MS4A4E: variants seen among roughly 807,000 people sequenced by gnomAD.
MS4A4E encodes the protein putative membrane-spanning 4-domains subfamily A member 4E.
MS4A4E carries 23 observed loss-of-function variants against 13.3 expected under a neutral mutation model. The ratio of observed to expected loss-of-function variants is 1.73; its 90% CI spans 1.25 to 2.45. MS4A4E has a LOEUF of 2.45. Among genes scored for constraint, MS4A4E ranks in the 30% most tolerant of loss-of-function variants. MS4A4E has a pLI of 0.00. For missense variants in MS4A4E, 144 were observed against 131.2 expected, an observed-to-expected ratio of 1.10 and a Z score of -0.48; for synonymous variants, 36 against 45.6, an observed-to-expected ratio of 0.79 and a Z score of 0.85.
At chr11:60,207,312 G>T (rs190632313) in intron 6 of MS4A4E, among the ~76,000 whole-genome samples, 103 of 152,226 alleles carry the variant, frequency 6.8e-4, no homozygotes, top group Non-Finnish European at 1.2e-3. Context: ...AGGGGATTAG[G>T]GAAACAACAT....
intron 5 of MS4A4E, among the ~76,000 whole-genome samples, chr11:60,209,777 T>C (rs143341800): frequency 6.6e-6 from 1 of 152,360 alleles, no homozygotes; most frequent in East Asian, 1.9e-4. Context: ...GTTTAAATAT[T>C]CTCTCTTTTT....
In MS4A4E at chr11:60,217,319, T is replaced by C. The variant is rs1461533334; in HGVS notation, c.179-2705A>G. Among the ~76,000 whole-genome samples the C allele has an allele frequency of 3.3e-5, 5 of 152,218 alleles. No individual in the cohort carries two copies. The East Asian group carries it at 9.6e-4, about 29-fold the overall frequency. On this transcript the variant is annotated intron_variant, in intron 3 of 8. Coordinates refer to ENST00000651255, the MANE Select transcript of MS4A4E (RefSeq NM_001393391.1). ...TCTACTGTTAAAGCGAGAGCATTGA[T>C]TGAAAAAGAATGGGACCCTGCAACT...
intron 1 of MS4A4E, among the ~76,000 whole-genome samples, chr11:60,241,014 TTTATTTATTTAC>T (rs915667280): frequency 1.6e-5 from 2 of 127,576 alleles, no homozygotes; most frequent in African/African-American, 5.8e-5. Flanking sequence ...TATTTATTTA[TTTATTTATTTAC>T]TTATTTATTT....
At chr11:60,242,367 T>A (rs913488086) in intron 1 of MS4A4E, among the ~76,000 whole-genome samples, 2 of 152,222 alleles carry the variant, frequency 1.3e-5, no homozygotes, top group Non-Finnish European at 2.9e-5. Flanking sequence ...GTTTTTCATT[T>A]GCAGATTTTA....
chr11:60,205,572 T>C (rs1184960097), intron 7 of MS4A4E, among the ~76,000 whole-genome samples, 142 bp downstream of exon 7: 1 of 152,208 alleles, frequency 6.6e-6, no homozygotes, highest in East Asian at 1.9e-4. Context: ...CCAGACAATA[T>C]TATTACTATT....
chr11:60,219,774 G>A (rs2084244328), intron 3 of MS4A4E, among the ~76,000 whole-genome samples: 1 of 152,172 alleles, frequency 6.6e-6, no homozygotes, highest in Admixed American at 6.5e-5. Context: ...CAGACCTTTT[G>A]GGAACTACTG....
At chr11:60,232,857 A>T (rs1030431265) in intron 1 of MS4A4E, among the ~76,000 whole-genome samples, 1 of 152,100 alleles carries the variant, frequency 6.6e-6, no homozygotes, top group African/African-American at 2.4e-5. Context: ...AACTGCCGCT[A>T]TCTACTCTCT....
At chr11:60,220,648 G>T (rs1415463720) in intron 3 of MS4A4E, among the ~76,000 whole-genome samples, 2 of 152,194 alleles carry the variant, frequency 1.3e-5, no homozygotes, top group Non-Finnish European at 2.9e-5. Context: ...GCATGCCAGA[G>T]GATGGGAAAT....
chr11:60,218,563 C>A (rs543964258), intron 3 of MS4A4E, among the ~76,000 whole-genome samples: 5 of 152,050 alleles, frequency 3.3e-5, no homozygotes, highest in Non-Finnish European at 7.4e-5. Context: ...AGCCAGCCAA[C>A]GCTTAGGGAA....
At chr11:60,240,312 C>A (rs982184914) in intron 1 of MS4A4E, among the ~76,000 whole-genome samples, 3 of 152,170 alleles carry the variant, frequency 2.0e-5, no homozygotes, top group Non-Finnish European at 4.4e-5. Flanking sequence ...TCTAATTCTA[C>A]GCAACCATTT....
At chr11:60,238,911 C>A (rs1382733564) in intron 1 of MS4A4E, among the ~76,000 whole-genome samples, 1 of 152,144 alleles carries the variant, frequency 6.6e-6, no homozygotes, top group African/African-American at 2.4e-5. Context: ...AAATGTCAAC[C>A]ATGAACCAGC....
At chr11:60,238,259 G>A (rs2084509059) in intron 1 of MS4A4E, among the ~76,000 whole-genome samples, 2 of 151,716 alleles carry the variant, frequency 1.3e-5, no homozygotes, top group African/African-American at 4.8e-5. Context: ...TTTTTAAAAT[G>A]TTTAGTAAAA....
chr11:60,205,229 A>C (rs1189346372), intron 7 of MS4A4E, among the ~76,000 whole-genome samples: 2 of 152,202 alleles, frequency 1.3e-5, no homozygotes, highest in East Asian at 3.8e-4. Flanking sequence ...TCTCCAGCAC[A>C]TTAATTCTTA....
chr11:60,205,261 T>C (rs910577319), intron 7 of MS4A4E, among the ~76,000 whole-genome samples: 4 of 152,198 alleles, frequency 2.6e-5, no homozygotes, highest in Non-Finnish European at 5.9e-5. Context: ...TAACAGCATA[T>C]AAAAATGTTT....
intron 1 of MS4A4E, among the ~76,000 whole-genome samples, chr11:60,231,270 C>A (rs911924452): frequency 6.6e-6 from 1 of 150,964 alleles, no homozygotes; most frequent in African/African-American, 2.4e-5. Flanking sequence ...TACAAAATTA[C>A]AAATTATAAA....
At chr11:60,230,945 C>G (rs2084403133) in intron 1 of MS4A4E, among the ~76,000 whole-genome samples, 1 of 151,952 alleles carries the variant, frequency 6.6e-6, no homozygotes, top group Non-Finnish European at 1.5e-5. Context: ...TAAAAACTGT[C>G]AGGTTTGGAG....
At chr11:60,240,185 G>A (rs1432529505) in intron 1 of MS4A4E, among the ~76,000 whole-genome samples, 1 of 152,210 alleles carries the variant, frequency 6.6e-6, no homozygotes, top group Non-Finnish European at 1.5e-5. Context: ...CTATGCGACT[G>A]CAAATGTCCT....
intron 6 of MS4A4E, among the ~76,000 whole-genome samples, chr11:60,206,240 G>T (rs1165047141): frequency 6.6e-6 from 1 of 151,874 alleles, no homozygotes; most frequent in African/African-American, 2.4e-5. Context: ...TTTGCATGGA[G>T]ACCTCGTTTT....
intron 2 of MS4A4E, among the ~76,000 whole-genome samples, chr11:60,229,343 G>A (rs1022972324): frequency 5.9e-5 from 9 of 152,170 alleles, no homozygotes; most frequent in Non-Finnish European, 1.3e-4. Context: ...GGAATCCAAA[G>A]AATCCACAGT....
Sources: allele counts gnomAD v4.1 joint callset (sites outside exome capture counted in the v4.1 genomes callset), GRCh38; gene constraint gnomAD v4.1.1; transcripts MANE v1.5; gene names NCBI Gene and HGNC (gene_info 2026-07-23, HGNC 2026-07-21).